PLXNA4: variants seen among roughly 807,000 people sequenced by gnomAD.
PLXNA4 encodes the protein plexin A4.
Under a neutral mutation model 191.8 loss-of-function variants are expected in PLXNA4, and 44 were observed. That is an observed-to-expected ratio of 0.23 (90% CI 0.18 to 0.29). The LOEUF is 0.29. Among genes scored for constraint, PLXNA4 ranks in the 10% least tolerant of loss-of-function variants. The pLI, the probability that PLXNA4 is intolerant of heterozygous loss-of-function variation, is 1.00. For synonymous variants in PLXNA4, 1,082 were observed against 1,009.5 expected (o/e 1.07, Z -1.36); for missense variants, 1,800 against 2,488.8 (o/e 0.72, Z 5.89).
At chr7:132,591,377 T>A (rs760599798) in intron 2 of PLXNA4, among the ~76,000 whole-genome samples, 31 of 152,188 alleles carry the variant, frequency 2.0e-4, no homozygotes, top group Non-Finnish European at 3.2e-4. Context: ...ACCTATCTTA[T>A]CTCTCAAGCA....
chr7:132,303,446 G>A (rs1297020587), intron 3 of PLXNA4, among the ~76,000 whole-genome samples: 1 of 151,810 alleles, frequency 6.6e-6, no homozygotes, highest in African/African-American at 2.4e-5. Context: ...GTGGGCGCCT[G>A]TAGTCCCAGC....
At chr7:132,366,783 A>G (rs1804204967) in intron 3 of PLXNA4, among the ~76,000 whole-genome samples, 1 of 152,190 alleles carries the variant, frequency 6.6e-6, no homozygotes, top group African/African-American at 2.4e-5. Context: ...CTTTTTTGAG[A>G]CAGTGCCTTG....
At chr7:132,259,453 A>AAAAAAAAAAAAAAAAAAAAAAAAAAAAAG (rs1799549179) in intron 4 of PLXNA4, among the ~76,000 whole-genome samples, 1 of 138,166 alleles carries the variant, frequency 7.2e-6, no homozygotes, top group Non-Finnish European at 1.6e-5. Context: ...AAAAAAAAAA[A>AAAAAAAAAAAAAAAAAAAAAAAAAAAAAG]AAAAAAAAAA....
chr7:132,371,067 T>C (rs779352534), intron 3 of PLXNA4, among the ~76,000 whole-genome samples: 7 of 150,038 alleles, frequency 4.7e-5, no homozygotes, highest in Non-Finnish European at 1.0e-4. Flanking sequence ...GCACATGGAG[T>C]GGGAAAGGCA....
intron 1 of PLXNA4, among the ~76,000 whole-genome samples, chr7:132,532,456 T>A (rs1354159277): frequency 2.0e-5 from 3 of 152,252 alleles, no homozygotes; most frequent in Non-Finnish European, 4.4e-5. Flanking sequence ...TTCCTCTTTA[T>A]TCTTATGAAA....
chr7:132,140,458 G>A, intron 30 of PLXNA4, 141 bp downstream of exon 30: 1 of 1,242,138 alleles, frequency 8.1e-7, no homozygotes, highest in Non-Finnish European at 1.1e-6. Flanking sequence ...TGGGGGTGTG[G>A]GTGTTGCAGT....
chr7:132,131,946 T>TG (rs1196645673), intron 31 of PLXNA4, among the ~76,000 whole-genome samples: 1 of 152,198 alleles, frequency 6.6e-6, no homozygotes, highest in African/African-American at 2.4e-5. Context: ...CTTCTTTAAC[T>TG]GGGGGTTCCT....
At position 132,147,239 on chromosome 7, in the gene PLXNA4, C is replaced by A. The variant is rs117392632; in HGVS notation, c.4865-539G>T. Reference sequence around the variant, plus strand: ...GAAGTGTTGTGAAATGAGTACTGAGCAGGAAAAAGAAATGGCGGTCCTACT... The same window carrying A: ...GAAGTGTTGTGAAATGAGTACTGAGAAGGAAAAAGAAATGGCGGTCCTACT... On this transcript the variant is annotated intron_variant, in intron 27 of 31. Transcript: ENST00000321063. Among the ~76,000 whole-genome samples the A allele has an allele frequency of 6.1e-3, 932 of 152,308 alleles. 26 individuals are homozygous for A. The highest frequency in any genetic ancestry group is 3.1e-3 in the Non-Finnish European group (214 of 68,028).
chr7:132,384,782 ACACACAC>A, intron 3 of PLXNA4: 1 of 1,126,508 alleles, frequency 8.9e-7, no homozygotes, highest in East Asian at 7.6e-5. Flanking sequence ...ACACACACAC[ACACACAC>A]ACTGGCCAGG....
At chr7:132,375,939 A>T (rs1169007371) in intron 3 of PLXNA4, among the ~76,000 whole-genome samples, 1 of 152,028 alleles carries the variant, frequency 6.6e-6, no homozygotes, top group African/African-American at 2.4e-5. Flanking sequence ...ATTTCCTTCC[A>T]CTCCAGCCAG....
intron 28 of PLXNA4, among the ~76,000 whole-genome samples, chr7:132,145,677 C>T (rs1027851460): frequency 3.3e-5 from 5 of 152,080 alleles, no homozygotes; most frequent in African/African-American, 1.2e-4. Flanking sequence ...GGCTAATGAA[C>T]AGTGACTCAC....
In PLXNA4 at chr7:132,253,892, T is replaced by C. The variant is rs1310243948; in HGVS notation, c.1504-12726A>G. 2.0e-5 allele frequency among the ~76,000 whole-genome samples: 3 copies of C among 152,314 alleles called. No individual in the cohort carries two copies. In the East Asian group the frequency reaches 5.8e-4, roughly 29 times the overall value. On this transcript the variant is annotated intron_variant, in intron 4 of 31. Transcript: ENST00000321063. ...ACAGCCCCCATATGTGCAGACGCTA[T>C]CACGCACTATGTGTGCATCAGTTTA... is the stretch of plus-strand genomic sequence containing the variant.
At position 132,458,211 on chromosome 7, in the gene PLXNA4, C is replaced by G. The variant is rs78572897; in HGVS notation, c.1371+31081G>C. Among the ~76,000 whole-genome samples the G allele has an allele frequency of 4.7e-4, 71 of 152,028 alleles. No homozygotes were observed. The East Asian group carries it at 0.013, about 28-fold the overall frequency. On this transcript the variant is annotated intron_variant, in intron 3 of 31. Coordinates refer to ENST00000321063, the MANE Select transcript of PLXNA4 (RefSeq NM_020911.2). ...TTTTCTGGTGAGGATATTAACCAGCCTACTAGAACCAAAAAGTTCTTTAGA... is the reference window on the plus strand; with the variant it reads ...TTTTCTGGTGAGGATATTAACCAGCGTACTAGAACCAAAAAGTTCTTTAGA...
intron 3 of PLXNA4, among the ~76,000 whole-genome samples, chr7:132,413,958 T>C (rs1794564212): frequency 6.6e-6 from 1 of 152,226 alleles, no homozygotes; most frequent in Non-Finnish European, 1.5e-5. Context: ...AGTCATACTC[T>C]TACACTGCTA....
chr7:132,535,820 C>T (rs1275509580), intron 1 of PLXNA4, among the ~76,000 whole-genome samples: 1 of 152,194 alleles, frequency 6.6e-6, no homozygotes, highest in East Asian at 1.9e-4. Context: ...AGAGAACTTG[C>T]CACAGGCCAG....
intron 3 of PLXNA4, among the ~76,000 whole-genome samples, chr7:132,314,944 A>G (rs1456820961): frequency 2.0e-5 from 3 of 152,164 alleles, no homozygotes; most frequent in Admixed American, 6.5e-5. Context: ...CTCTCCTCCA[A>G]TGGACTGCAA....
At chr7:132,538,948 C>T (rs1463845775) in intron 1 of PLXNA4, among the ~76,000 whole-genome samples, 1 of 152,224 alleles carries the variant, frequency 6.6e-6, no homozygotes. Context: ...AACACAAACA[C>T]AGTAGAAATA....
intron 5 of PLXNA4, among the ~76,000 whole-genome samples, chr7:132,237,435 C>T (rs1464841679): frequency 4.6e-5 from 7 of 152,046 alleles, no homozygotes; most frequent in Admixed American, 3.3e-4. Context: ...AAGATTTTAC[C>T]CCCACCTTCT....
At chr7:132,274,566 A>G (rs1176964991) in intron 4 of PLXNA4, among the ~76,000 whole-genome samples, 1 of 151,698 alleles carries the variant, frequency 6.6e-6, no homozygotes, top group Non-Finnish European at 1.5e-5. Context: ...CTCCTTTGTA[A>G]CCTCATCATC....
Sources: allele counts gnomAD v4.1 joint callset (sites outside exome capture counted in the v4.1 genomes callset), GRCh38; gene constraint gnomAD v4.1.1; transcripts MANE v1.5; gene names NCBI Gene and HGNC (gene_info 2026-07-23, HGNC 2026-07-21).